LRP1B: variants seen among roughly 807,000 people sequenced by gnomAD.
LRP1B encodes the protein LDL receptor related protein 1B.
A neutral mutation model predicts 556.6 loss-of-function variants in LRP1B; 217 were observed. The ratio of observed to expected loss-of-function variants is 0.39; its 90% CI spans 0.35 to 0.44. LRP1B has a LOEUF of 0.44. LRP1B is among the 20% of genes least tolerant of loss of function. LRP1B has a pLI of 1.00. For missense variants in LRP1B, 5,053 were observed against 5,620.8 expected (o/e 0.90, Z 3.23); for synonymous variants, 2,047 against 1,865.8 (o/e 1.10, Z -2.50).
chr2:142,085,065 T>C (rs1166707139), intron 1 of LRP1B, among the ~76,000 whole-genome samples: 2 of 152,160 alleles, frequency 1.3e-5, no homozygotes, highest in East Asian at 1.9e-4. Context: ...TCTATTTTTG[T>C]CCACTCCACG....
rs555672773 is a variant in LRP1B at position 140,996,436 on chromosome 2, G to A, written c.2504-2301C>T. On this transcript the variant is annotated intron_variant, in intron 15 of 90. Coordinates refer to ENST00000389484, the MANE Select transcript of LRP1B (RefSeq NM_018557.3). The stretch of plus-strand genomic sequence containing the variant: ...GTTCAAAATGCATGGTCTTTTCCCC[G>A]GCATTAAACAAGGTCTCTACAAAGC... Among the ~76,000 whole-genome samples, 10 of 152,010 alleles carry A rather than the reference G, an allele frequency of 6.6e-5. No individual in the cohort carries two copies. In the East Asian group the frequency reaches 7.8e-4, roughly 12 times the overall value.
chr2:141,511,916 G>A (rs187286265), intron 2 of LRP1B, among the ~76,000 whole-genome samples: 10 of 152,208 alleles, frequency 6.6e-5, no homozygotes, highest in Admixed American at 5.9e-4. Context: ...CTTATAAGAG[G>A]CATTTTTCCT....
intron 3 of LRP1B, among the ~76,000 whole-genome samples, chr2:141,367,378 A>C (rs990900351): frequency 2.0e-5 from 3 of 151,352 alleles, no homozygotes; most frequent in Non-Finnish European, 4.4e-5. Context: ...ATAAGAAGCC[A>C]CACTTGAAAT....
At chr2:140,772,471 G>C (rs139086957) in intron 33 of LRP1B, among the ~76,000 whole-genome samples, 2 of 151,864 alleles carry the variant, frequency 1.3e-5, no homozygotes, top group Non-Finnish European at 2.9e-5. Context: ...CACCATGTCT[G>C]GATAATTTTT....
At chr2:140,561,883 AT>A (rs1680944738) in intron 43 of LRP1B, among the ~76,000 whole-genome samples, 1 of 152,118 alleles carries the variant, frequency 6.6e-6, no homozygotes, top group African/African-American at 2.4e-5. Flanking sequence ...TATATAAAAA[AT>A]AATACATGAT....
chr2:140,930,472 TA>T (rs199948057), intron 20 of LRP1B, among the ~76,000 whole-genome samples: 2,147 of 152,126 alleles, frequency 0.014, 25 homozygotes, highest in Non-Finnish European at 0.018. Context: ...TTCCTAATGT[TA>T]AAAAAATGAA....
At chr2:140,426,429 C>T (rs1029980403) in intron 66 of LRP1B, among the ~76,000 whole-genome samples, 3 of 152,096 alleles carry the variant, frequency 2.0e-5, no homozygotes, top group Admixed American at 1.3e-4. Flanking sequence ...CATCATATCC[C>T]CTGTGACCTG....
chr2:141,876,711 G>C lies in LRP1B; in HGVS notation c.83-66310C>G, dbSNP rs572480599. Among the ~76,000 whole-genome samples the C allele has an allele frequency of 1.1e-4, 17 of 151,890 alleles. No individual in the cohort carries two copies. In the South Asian group the frequency reaches 3.1e-3, roughly 28 times the overall value. On this transcript the variant is annotated intron_variant, in intron 1 of 90. Transcript: ENST00000389484. ...GAGAATATGATAAATGAACAATAAG[G>C]TTGTTAGTGTGATATATAAGCAAGT...
chr2:141,787,883 C>T (rs1695477363), intron 2 of LRP1B, among the ~76,000 whole-genome samples: 1 of 151,828 alleles, frequency 6.6e-6, no homozygotes, highest in Admixed American at 6.6e-5. Flanking sequence ...TCTTTTTCTC[C>T]ATATGTCTCT....
At chr2:141,011,789 G>A (rs936501011) in intron 14 of LRP1B, among the ~76,000 whole-genome samples, 3 of 151,950 alleles carry the variant, frequency 2.0e-5, no homozygotes, top group Non-Finnish European at 4.4e-5. Context: ...GAATAACATT[G>A]CACTATTATA....
intron 41 of LRP1B, among the ~76,000 whole-genome samples, chr2:140,670,115 T>C (rs1160739372): frequency 6.6e-6 from 1 of 152,136 alleles, no homozygotes; most frequent in Non-Finnish European, 1.5e-5. Flanking sequence ...CACGTGACAC[T>C]GGTAGATGTT....
At chr2:141,666,418 T>G (rs114749265) in intron 2 of LRP1B, among the ~76,000 whole-genome samples, 2,545 of 152,304 alleles carry the variant, frequency 0.017, 35 homozygotes, top group Middle Eastern at 0.041. Context: ...ACAGGTCTGG[T>G]TATGTTGCCA....
intron 3 of LRP1B, among the ~76,000 whole-genome samples, chr2:141,391,500 A>G (rs1044655834): frequency 2.6e-5 from 4 of 151,540 alleles, no homozygotes; most frequent in Non-Finnish European, 5.9e-5. Flanking sequence ...AAACTTCAAT[A>G]AGGTTGGAAA....
chr2:140,757,628 T>C (rs1312291207), intron 35 of LRP1B, among the ~76,000 whole-genome samples: 1 of 152,204 alleles, frequency 6.6e-6, no homozygotes. Context: ...ACACCTGTGA[T>C]CCCACACTTT....
At chr2:140,577,593 T>C (rs1681581290) in intron 43 of LRP1B, among the ~76,000 whole-genome samples, 1 of 151,928 alleles carries the variant, frequency 6.6e-6, no homozygotes, top group Non-Finnish European at 1.5e-5. Flanking sequence ...TTTTATTTTT[T>C]TCAGTTTTGC....
At chr2:142,006,828 AGTTC>A (rs140498889) in intron 1 of LRP1B, among the ~76,000 whole-genome samples, 2,545 of 152,254 alleles carry the variant, frequency 0.017, 67 homozygotes, top group African/African-American at 0.057. Flanking sequence ...TTTTTGATTG[AGTTC>A]TAAAGTTGGA....
chr2:141,904,411 C>A (rs149397880), intron 1 of LRP1B, among the ~76,000 whole-genome samples: 93 of 151,894 alleles, frequency 6.1e-4, no homozygotes, highest in African/African-American at 2.1e-3. Flanking sequence ...TAGGCCTTAT[C>A]CTGTAAAGGT....
intron 80 of LRP1B, among the ~76,000 whole-genome samples, chr2:140,324,638 TATTTTCAC>T (rs1680359430): frequency 6.6e-6 from 1 of 152,096 alleles, no homozygotes; most frequent in Non-Finnish European, 1.5e-5. Flanking sequence ...TAGTAACCAT[TATTTTCAC>T]ATCTTGTGAT....
At chr2:141,553,571 T>C (rs1188996905) in intron 2 of LRP1B, among the ~76,000 whole-genome samples, 1 of 150,618 alleles carries the variant, frequency 6.6e-6, no homozygotes, top group Non-Finnish European at 1.5e-5. Context: ...TGCTTCACCA[T>C]GTTGATTTTG....
Sources: gnomAD v4.1 joint callset for allele counts (sites outside exome capture counted in the v4.1 genomes callset) on GRCh38, gnomAD v4.1.1 for gene constraint, MANE v1.5 for transcripts, NCBI Gene and HGNC (gene_info 2026-07-23, HGNC 2026-07-21) for gene names.